The following CEP44 variants were observed in gnomAD, a reference collection of about 807,000 sequenced individuals.
The protein encoded by CEP44 is centrosomal protein of 44 kDa.
In CEP44, 45 loss-of-function variants were observed where a neutral mutation model predicts 46.7. The observed-to-expected ratio is 0.96, with a 90% CI of 0.76 to 1.24. The LOEUF is 1.24. Among genes scored for constraint, CEP44 ranks in the 50% most tolerant of loss-of-function variants. The pLI, the probability that CEP44 is intolerant of heterozygous loss-of-function variation, is 0.00. For synonymous variants in CEP44, 142 were observed against 146.0 expected (o/e 0.97, Z 0.20); for missense variants, 475 against 459.7 (o/e 1.03, Z -0.30).
intron 6 of CEP44, 73 bp downstream of exon 6, chr4:174,304,442 TCTG>T (rs1740148857): frequency 6.5e-7 from 1 of 1,543,130 alleles, no homozygotes; most frequent in South Asian, 1.3e-5. Context: ...TTTTCACTTT[TCTG>T]ATTGGCACCT....
rs572951971 is a variant in CEP44, at chr4:174,317,691, A to C, written c.*308A>C. The C allele has an allele frequency of 4.7e-4, 476 of 1,004,044 alleles. 1 individual carries two copies. Among genetic ancestry groups the C allele is most frequent in the Non-Finnish European group, 5.5e-4 (465 of 841,708 alleles). The allele number at this position is 1,004,044 out of a possible 1,614,324, so 62.2% of individuals were successfully genotyped here. ...TGTTGACATTTGTTGGCAGTGTGCTAAGTAATGTTTTTTAAAGCACAGGCT... is the reference window on the plus strand; with the variant it reads ...TGTTGACATTTGTTGGCAGTGTGCTCAGTAATGTTTTTTAAAGCACAGGCT... On this transcript the variant is annotated 3_prime_UTR_variant, in exon 12 of 12. Coordinates refer to ENST00000503780, the MANE Select transcript of CEP44 (RefSeq NM_001040157.3).
chr4:174,289,606 G>T (rs946425646), intron 1 of CEP44, among the ~76,000 whole-genome samples: 1 of 151,460 alleles, frequency 6.6e-6, no homozygotes, highest in Non-Finnish European at 1.5e-5. Context: ...TTTCATTTCT[G>T]ATTTTGTTTG....
chr4:174,295,148 G>A (rs1579082627), intron 1 of CEP44, among the ~76,000 whole-genome samples: 1 of 152,188 alleles, frequency 6.6e-6, no homozygotes, highest in East Asian at 1.9e-4. Context: ...CTCCCTCCCG[G>A]ATGGGGTGGC....
In CEP44 at chr4:174,312,244, T is replaced by A. The variant is rs544323454; in HGVS notation, c.961+1386T>A. On this transcript the variant is annotated intron_variant, in intron 9 of 11. Coordinates refer to ENST00000503780, the MANE Select transcript of CEP44 (RefSeq NM_001040157.3). This position sits in a 1 kb window ranked among gnomAD's most constrained non-coding sequence, Gnocchi z 4.5. ...ATGATTATAGAATATACCTTTAACC[T>A]ATTTAGAAAACACATGGCTAAGTTT... 5.9e-5 allele frequency among the ~76,000 whole-genome samples: 9 copies of A among 152,150 alleles called. No homozygotes were observed. Among genetic ancestry groups the A allele is most frequent in the African/African-American group, 1.7e-4 (7 of 41,520 alleles).
chr4:174,313,254 A>C (rs551065588), intron 9 of CEP44, among the ~76,000 whole-genome samples: 2 of 152,040 alleles, frequency 1.3e-5, no homozygotes, highest in Non-Finnish European at 2.9e-5. Context: ...TTTTCATGAA[A>C]TTATTTATAT....
chr4:174,318,439 T>C lies in CEP44; in HGVS notation c.*1056T>C. 1 of 982,772 alleles carries C rather than the reference T, an allele frequency of 1.0e-6. No individual in the cohort carries two copies. Among genetic ancestry groups the C allele is most frequent in the Non-Finnish European group, 1.2e-6 (1 of 827,540 alleles). The allele number at this position is 982,772 out of a possible 1,614,324, so 60.9% of individuals were successfully genotyped here. ...TTTTTTAATGATGAAAAGTTACACATTTTTTGGAGAGAAAAGTCTTAGCTG... is the reference window on the plus strand; with the variant it reads ...TTTTTTAATGATGAAAAGTTACACACTTTTTGGAGAGAAAAGTCTTAGCTG... On this transcript the variant is annotated 3_prime_UTR_variant, in exon 12 of 12. Transcript: ENST00000503780.
At chr4:174,296,920 A>G (rs1739098732) in intron 1 of CEP44, among the ~76,000 whole-genome samples, 1 of 152,022 alleles carries the variant, frequency 6.6e-6, no homozygotes, top group Admixed American at 6.5e-5. Flanking sequence ...CATATACATT[A>G]AAGATTGTTA....
chr4:174,291,439 G>T (rs1738185810), intron 1 of CEP44, among the ~76,000 whole-genome samples: 2 of 151,964 alleles, frequency 1.3e-5, no homozygotes, highest in Non-Finnish European at 2.9e-5. Context: ...GTATGTAATT[G>T]ATTTCAGATT....
chr4:174,310,769 C>A lies in CEP44; in HGVS notation c.886-14C>A. On this transcript the variant is annotated splice_polypyrimidine_tract_variant and intron_variant, in intron 8 of 11. Transcript: ENST00000503780. This position sits in a 1 kb window ranked among gnomAD's most constrained non-coding sequence, Gnocchi z 4.2. ...TTTTTATTTCATTCTAAATATTTAACTGTGTTATTCCAGAATGATGAATTT... is the reference window on the plus strand; with the variant it reads ...TTTTTATTTCATTCTAAATATTTAAATGTGTTATTCCAGAATGATGAATTT... 1.6e-6 allele frequency: 2 copies of A among 1,215,848 alleles called. No homozygotes were observed. Among genetic ancestry groups the A allele is most frequent in the Non-Finnish European group, 2.4e-6 (2 of 845,416 alleles). The allele number at this position is 1,215,848 out of a possible 1,614,324, so 75.3% of individuals were successfully genotyped here.
downstream of CEP44, among the ~76,000 whole-genome samples, chr4:174,322,258 C>T (rs1438761330): frequency 6.6e-6 from 1 of 152,162 alleles, no homozygotes; most frequent in African/African-American, 2.4e-5. Flanking sequence ...CTTCCACCTT[C>T]ACTTTTTATA....
rs1045660183 is a variant in CEP44 at position 174,312,434 on chromosome 4, G to T, written c.961+1576G>T. The stretch of plus-strand genomic sequence containing the variant: ...GCCTCCTGAGTAGCTGGGACTACAG[G>T]TACGTGCCACCACACCTGGATAATT... On this transcript the variant is annotated intron_variant, in intron 9 of 11. Transcript: ENST00000503780. The surrounding 1 kb of genome is among the most constrained non-coding windows in gnomAD (Gnocchi z 4.5). Among the ~76,000 whole-genome samples the T allele has an allele frequency of 1.1e-4, 16 of 152,062 alleles. No homozygotes were observed. The South Asian group carries it at 3.3e-3, about 32-fold the overall frequency.
rs984256238 is a variant in CEP44 at position 174,317,721 on chromosome 4, G to A, written c.*338G>A. On this transcript the variant is annotated 3_prime_UTR_variant, in exon 12 of 12. Coordinates refer to ENST00000503780, the MANE Select transcript of CEP44 (RefSeq NM_001040157.3). ...ATGTTTTTTAAAGCACAGGCTTGAG[G>A]ACTATGGTTTACATCCTGTTGGAAA... 3 of 992,506 alleles carry A rather than the reference G, an allele frequency of 3.0e-6. No individual in the cohort carries two copies. The highest frequency in any genetic ancestry group is 3.6e-6 in the Non-Finnish European group (3 of 834,560). The allele number at this position is 992,506 out of a possible 1,614,324, so 61.5% of individuals were successfully genotyped here.
In CEP44 at chr4:174,317,919, A is replaced by G. The variant is rs1156409859; in HGVS notation, c.*536A>G. 3.0e-6 allele frequency: 3 copies of G among 985,374 alleles called. No homozygotes were observed. The highest frequency in any genetic ancestry group is 3.6e-6 in the Non-Finnish European group (3 of 829,926). 61.0% of individuals were successfully genotyped at this position (985,374 alleles called of 1,614,324 possible). A position where few individuals can be genotyped will look rare whatever the true frequency, so the allele number is the denominator to read the frequency against. Reference sequence around the variant, plus strand: ...CAAAAACATCAATACCTTTCCAATTAACACTGAGAAATTAAGGTTAAGATT... The same window carrying G: ...CAAAAACATCAATACCTTTCCAATTGACACTGAGAAATTAAGGTTAAGATT... On this transcript the variant is annotated 3_prime_UTR_variant, in exon 12 of 12. Transcript: ENST00000503780.
downstream of CEP44, among the ~76,000 whole-genome samples, chr4:174,325,316 T>C (rs1742590545): frequency 6.6e-6 from 1 of 152,140 alleles, no homozygotes; most frequent in South Asian, 2.1e-4. The surrounding 1 kb of genome is among the most constrained non-coding windows in gnomAD (Gnocchi z 4.4). Context: ...GGAGCAGAAG[T>C]TTTAAATTTT....
chr4:174,300,709 C>T (rs72702256), intron 3 of CEP44, among the ~76,000 whole-genome samples: 65 of 152,202 alleles, frequency 4.3e-4, no homozygotes, highest in Non-Finnish European at 7.9e-4. Context: ...TTTAAGCACA[C>T]ACACAACACC....
Position 174,310,743 on chromosome 4 carries a change from CT to C in CEP44, c.886-35del. ...AAGAATATAAAATGAGAGGGTTTTT[CT>C]TTTTATTTCATTCTAAATATTTAAC... On this transcript the variant is annotated intron_variant, in intron 8 of 11. Coordinates refer to ENST00000503780, the MANE Select transcript of CEP44 (RefSeq NM_001040157.3). The surrounding 1 kb of genome is among the most constrained non-coding windows in gnomAD (Gnocchi z 4.2). The C allele has an allele frequency of 1.0e-6, 1 of 954,822 alleles. No individual in the cohort carries two copies. The allele number at this position is 954,822 out of a possible 1,614,324, so 59.1% of individuals were successfully genotyped here. A position where few individuals can be genotyped will look rare whatever the true frequency, so the allele number is the denominator to read the frequency against.
chr4:174,315,697 C>G (rs1350342500), intron 9 of CEP44, among the ~76,000 whole-genome samples: 1 of 151,674 alleles, frequency 6.6e-6, no homozygotes, highest in South Asian at 2.1e-4. Flanking sequence ...AAAAATTAGC[C>G]GGGCGTGGTA....
At position 174,318,691 on chromosome 4, in the gene CEP44, A is replaced by G. The variant is rs1742003380; in HGVS notation, c.*1308A>G. ...GTATGTATGTATAATTCTATATTAC[A>G]CTGTCAAATATAAAATATTGTTATA... On this transcript the variant is annotated 3_prime_UTR_variant, in exon 12 of 12. Transcript: ENST00000503780. The G allele has an allele frequency of 1.5e-6, 1 of 647,632 alleles. No homozygotes were observed. The highest frequency in any genetic ancestry group is 1.9e-6 in the Non-Finnish European group (1 of 522,718). The allele number at this position is 647,632 out of a possible 1,614,324, so 40.1% of individuals were successfully genotyped here.
intron 6 of CEP44, among the ~76,000 whole-genome samples, chr4:174,308,372 A>C (rs1315832520): frequency 6.6e-6 from 1 of 152,210 alleles, no homozygotes; most frequent in Non-Finnish European, 1.5e-5. Flanking sequence ...ATATTAATGC[A>C]GAAACAGAAA....
Sources: allele counts gnomAD v4.1 joint callset (sites outside exome capture counted in the v4.1 genomes callset), GRCh38; gene constraint gnomAD v4.1.1; non-coding constraint Gnocchi (gnomAD v3.1); transcripts MANE v1.5; gene names NCBI Gene and HGNC (gene_info 2026-07-23, HGNC 2026-07-21).